Variants in ATP8B4 observed in about 807,000 individuals in gnomAD.
ATP8B4 encodes the protein probable phospholipid-transporting ATPase IM.
In ATP8B4, 133 loss-of-function variants were observed where a neutral mutation model predicts 145.6. The ratio of observed to expected loss-of-function variants is 0.91; its 90% CI spans 0.79 to 1.05. ATP8B4 has a LOEUF of 1.05. Among genes scored for constraint, ATP8B4 ranks in the 50% least tolerant of loss-of-function variants. ATP8B4 has a pLI of 0.00. For missense variants in ATP8B4, 1,458 were observed against 1,425.2 expected (o/e 1.02, Z -0.37); for synonymous variants, 507 against 492.9 (o/e 1.03, Z -0.38).
chr15:49,993,059 G>C (rs1475204670), intron 9 of ATP8B4, among the ~76,000 whole-genome samples: 1 of 152,122 alleles, frequency 6.6e-6, no homozygotes, highest in Non-Finnish European at 1.5e-5. Flanking sequence ...ACAAAAAAGG[G>C]AGTAGAAAAA....
intron 1 of ATP8B4, among the ~76,000 whole-genome samples, chr15:50,152,310 C>A (rs1255733464): frequency 1.3e-5 from 2 of 152,094 alleles, no homozygotes; most frequent in Non-Finnish European, 2.9e-5. Flanking sequence ...AAGTGGATTA[C>A]AATCAGCAAT....
chr15:50,151,525 G>T (rs1327037947), intron 1 of ATP8B4, among the ~76,000 whole-genome samples: 1 of 152,104 alleles, frequency 6.6e-6, no homozygotes, highest in Non-Finnish European at 1.5e-5. Flanking sequence ...GTTTCTGATT[G>T]TATTCTGCTA....
At chr15:50,130,288 A>C (rs182352673) in intron 1 of ATP8B4, among the ~76,000 whole-genome samples, 7 of 152,254 alleles carry the variant, frequency 4.6e-5, no homozygotes, top group African/African-American at 1.7e-4. Context: ...GCCTTGCTAT[A>C]ATCACACCTG....
At chr15:50,139,456 G>A (rs2044178423) in intron 1 of ATP8B4, among the ~76,000 whole-genome samples, 1 of 152,116 alleles carries the variant, frequency 6.6e-6, no homozygotes, top group Non-Finnish European at 1.5e-5. Flanking sequence ...GGCAAGGGGA[G>A]GGATAGCACT....
At chr15:49,930,073 G>C (rs2041113459) in intron 16 of ATP8B4, among the ~76,000 whole-genome samples, 1 of 152,078 alleles carries the variant, frequency 6.6e-6, no homozygotes, top group African/African-American at 2.4e-5. Context: ...GGATAATATA[G>C]TTGTGGGCTG....
At chr15:49,880,753 T>C (rs2035251293) in intron 23 of ATP8B4, 1 of 151,482 alleles carries the variant, frequency 6.6e-6, no homozygotes, top group Non-Finnish European at 1.5e-5. Context: ...AACCCAGCTG[T>C]AAGGATTTAG....
intron 6 of ATP8B4, among the ~76,000 whole-genome samples, chr15:50,029,209 C>T (rs2050234938): frequency 8.0e-6 from 1 of 124,260 alleles, no homozygotes; most frequent in African/African-American, 3.2e-5. Flanking sequence ...CACTGCACTC[C>T]AGCCTGGCAA....
chr15:49,923,604 C>T, intron 16 of ATP8B4, 110 bp from the exon 17 acceptor site: 1 of 680,726 alleles, frequency 1.5e-6, no homozygotes, highest in Non-Finnish European at 2.4e-6. Flanking sequence ...AATGTTTTAG[C>T]CAGTAGTAAG....
Position 50,176,917 on chromosome 15 carries a change from TC to T in ATP8B4, c.-43+5343del, listed in dbSNP as rs1355613207. Among the ~76,000 whole-genome samples the T allele has an allele frequency of 7.9e-5, 12 of 152,324 alleles. No individual in the cohort carries two copies. In the East Asian group the frequency reaches 2.3e-3, roughly 29 times the overall value. ...AGTTGTTCTCAGTCTCACCTTTTTT[TC>T]ATTCTCCAAAAAGAGGGTCAATCTT... On this transcript the variant is annotated intron_variant, in intron 1 of 3. Transcript: ENST00000558829.
chr15:50,103,786 C>T (rs1185078790), intron 2 of ATP8B4, among the ~76,000 whole-genome samples: 1 of 152,012 alleles, frequency 6.6e-6, no homozygotes, highest in Non-Finnish European at 1.5e-5. Context: ...CAAGACTAAG[C>T]AAAAAGAACA....
Position 50,085,911 on chromosome 15 carries a change from T to TATGATATATATCATATA in ATP8B4, c.29-11727_29-11726insTATATGATATATATCAT, listed in dbSNP as rs1567330741. Among the ~76,000 whole-genome samples the TATGATATATATCATATA allele has an allele frequency of 7.2e-4, 66 of 92,012 alleles. 5 individuals carry two copies. Among genetic ancestry groups the TATGATATATATCATATA allele is most frequent in the Non-Finnish European group, 9.3e-4 (48 of 51,804 alleles). 60.4% of individuals were successfully genotyped at this position (92,012 alleles called of 152,430 possible). On this transcript the variant is annotated intron_variant, in intron 2 of 27. Transcript: ENST00000284509. ...TATATATGATATATATCATATATAT[T>TATGATATATATCATATA]TATATATGATATATATCATATATAT... is the stretch of plus-strand genomic sequence containing the variant.
At chr15:50,001,102 T>C (rs190686761) in intron 8 of ATP8B4, among the ~76,000 whole-genome samples, 17 of 152,028 alleles carry the variant, frequency 1.1e-4, no homozygotes, top group Admixed American at 7.9e-4. Context: ...GTCACTTGTA[T>C]TGATGTTTCC....
chr15:50,137,812 G>A (rs1369037101), intron 1 of ATP8B4, among the ~76,000 whole-genome samples: 3 of 152,178 alleles, frequency 2.0e-5, no homozygotes, highest in African/African-American at 7.2e-5. Flanking sequence ...ATCACAGAGA[G>A]GAGTGGAAGG....
At chr15:50,055,373 C>T (rs1199448310) in intron 3 of ATP8B4, among the ~76,000 whole-genome samples, 3 of 152,182 alleles carry the variant, frequency 2.0e-5, no homozygotes, top group Non-Finnish European at 4.4e-5. Flanking sequence ...TATGCAAGAT[C>T]AGTTTGCTTT....
At chr15:50,178,801 G>A (rs2044801763) in intron 1 of ATP8B4, among the ~76,000 whole-genome samples, 1 of 152,148 alleles carries the variant, frequency 6.6e-6, no homozygotes, top group Admixed American at 6.5e-5. Context: ...CCATTTTTAA[G>A]TGTACAGTTC....
chr15:50,121,684 C>G (rs565631666), upstream of ATP8B4, among the ~76,000 whole-genome samples: 1 of 151,978 alleles, frequency 6.6e-6, no homozygotes, highest in Non-Finnish European at 1.5e-5. Context: ...CCTTTTATTC[C>G]CATTATACAA....
At chr15:49,889,852 T>G (rs2036603680) in intron 23 of ATP8B4, among the ~76,000 whole-genome samples, 1 of 152,196 alleles carries the variant, frequency 6.6e-6, no homozygotes, top group Non-Finnish European at 1.5e-5. Flanking sequence ...CTGTTTACAT[T>G]TGGTCAGATG....
At chr15:49,871,426 G>A (rs2033650618) in intron 25 of ATP8B4, among the ~76,000 whole-genome samples, 1 of 152,160 alleles carries the variant, frequency 6.6e-6, no homozygotes, top group Non-Finnish European at 1.5e-5. Flanking sequence ...CCTCAGGCAA[G>A]TCATTTAACC....
At chr15:50,092,907 A>G (rs1463924007) in intron 2 of ATP8B4, among the ~76,000 whole-genome samples, 1 of 151,984 alleles carries the variant, frequency 6.6e-6, no homozygotes, top group African/African-American at 2.4e-5. Flanking sequence ...AACTATATCT[A>G]GACACATAAT....
Sources: allele counts gnomAD v4.1 joint callset (sites outside exome capture counted in the v4.1 genomes callset), GRCh38; gene constraint gnomAD v4.1.1; transcripts MANE v1.5; gene names NCBI Gene and HGNC (gene_info 2026-07-23, HGNC 2026-07-21).